The following GRIK2 variants were observed in gnomAD, a reference collection of about 807,000 sequenced individuals.
The protein encoded by GRIK2 is glutamate receptor ionotropic, kainate 2.
Under a neutral mutation model 100.3 loss-of-function variants are expected in GRIK2, and 32 were observed. That is an observed-to-expected ratio of 0.32 (90% confidence interval 0.24 to 0.43). The LOEUF (loss-of-function observed/expected upper bound fraction) is 0.43, where lower values mean the gene tolerates loss of function less well. Among genes scored for constraint, GRIK2 ranks in the 20% least tolerant of loss-of-function variants. The pLI, the probability that GRIK2 is intolerant of heterozygous loss-of-function variation, is 1.00. For synonymous variants in GRIK2, 417 were observed against 389.4 expected (o/e 1.07, Z -0.83); for missense variants, 843 against 1,114.9 (o/e 0.76, Z 3.47).
intron 14 of GRIK2, among the ~76,000 whole-genome samples, chr6:102,012,932 A>C (rs568539297): frequency 6.6e-6 from 1 of 152,186 alleles, no homozygotes; most frequent in South Asian, 2.1e-4. Context: ...TTTTGGTTCC[A>C]TGTGAATTTT....
At chr6:102,017,779 G>A (rs1769196077) in intron 14 of GRIK2, among the ~76,000 whole-genome samples, 1 of 152,016 alleles carries the variant, frequency 6.6e-6, no homozygotes, top group Non-Finnish European at 1.5e-5. Flanking sequence ...GTATTCTCAA[G>A]TTCAGAGATT....
chr6:102,006,390 A>ATATTTTTTTTTTTTT (rs1315524835), intron 14 of GRIK2, among the ~76,000 whole-genome samples: 2 of 114,102 alleles, frequency 1.8e-5, no homozygotes, highest in African/African-American at 9.1e-5. Context: ...ATATATATAT[A>ATATTTTTTTTTTTTT]TTTTTTTTTT....
intron 14 of GRIK2, among the ~76,000 whole-genome samples, chr6:102,026,006 T>C (rs776989132): frequency 6.6e-6 from 1 of 150,404 alleles, no homozygotes; most frequent in African/African-American, 2.4e-5. Flanking sequence ...TTTTCTATTC[T>C]TGCTTACTAG....
chr6:101,883,289 A>AAATAAT (rs143808702), intron 11 of GRIK2, among the ~76,000 whole-genome samples: 22,297 of 144,192 alleles, frequency 0.15, 1,920 homozygotes, highest in South Asian at 0.23. Flanking sequence ...TCTCTTTGGC[A>AAATAAT]AATAATAATA....
chr6:101,585,858 G>C (rs2128304696), intron 2 of GRIK2, among the ~76,000 whole-genome samples: 1 of 152,210 alleles, frequency 6.6e-6, no homozygotes, highest in African/African-American at 2.4e-5. Context: ...AGTATCATTA[G>C]AGGTAAGAGC....
At chr6:101,506,230 T>C (rs982858234) in intron 2 of GRIK2, among the ~76,000 whole-genome samples, 4 of 152,132 alleles carry the variant, frequency 2.6e-5, no homozygotes, top group Non-Finnish European at 2.9e-5. Context: ...ACACTGTTCA[T>C]GTGTTTTAGG....
intron 4 of GRIK2, among the ~76,000 whole-genome samples, chr6:101,675,137 A>T (rs757692822): frequency 1.3e-5 from 2 of 151,950 alleles, no homozygotes; most frequent in Non-Finnish European, 2.9e-5. Flanking sequence ...TCTAATTGTA[A>T]CTTTGTACCC....
chr6:101,872,420 G>C (rs1268700075), intron 11 of GRIK2, among the ~76,000 whole-genome samples: 1 of 151,744 alleles, frequency 6.6e-6, no homozygotes, highest in African/African-American at 2.4e-5. Context: ...GAGTAAAGCA[G>C]GGAAAAGTCC....
At chr6:102,039,000 G>A (rs867849920) in intron 15 of GRIK2, among the ~76,000 whole-genome samples, 14 of 151,370 alleles carry the variant, frequency 9.2e-5, no homozygotes, top group African/African-American at 3.4e-4. Context: ...GTCTTTTTGA[G>A]TGGGAAATCA....
intron 7 of GRIK2, among the ~76,000 whole-genome samples, chr6:101,783,380 G>A (rs1046752536): frequency 5.3e-5 from 8 of 152,066 alleles, no homozygotes; most frequent in Non-Finnish European, 1.0e-4. Context: ...CTTCTGCCAT[G>A]ATTGTAAGTT....
intron 7 of GRIK2, among the ~76,000 whole-genome samples, chr6:101,789,757 A>G (rs995980153): frequency 1.3e-5 from 2 of 152,060 alleles, no homozygotes; most frequent in African/African-American, 4.8e-5. Flanking sequence ...TCATTGGTAG[A>G]TTGATGGGAA....
At chr6:101,701,637 C>T (rs1413300183) in intron 7 of GRIK2, among the ~76,000 whole-genome samples, 3 of 152,082 alleles carry the variant, frequency 2.0e-5, no homozygotes, top group South Asian at 4.1e-4. Flanking sequence ...ATTTAACTGA[C>T]AAAAATTATG....
intron 2 of GRIK2, among the ~76,000 whole-genome samples, chr6:101,558,748 C>T (rs905276220): frequency 1.3e-5 from 2 of 148,542 alleles, no homozygotes; most frequent in Non-Finnish European, 3.0e-5. Context: ...TGAAGTCATT[C>T]TATGTTCTGT....
At position 102,069,985 on chromosome 6, in the gene GRIK2, G is replaced by C. The variant is rs1463078762; in HGVS notation, c.*1474G>C. On this transcript the variant is annotated 3_prime_UTR_variant, in exon 17 of 17. Coordinates refer to ENST00000369134, the MANE Select transcript of GRIK2 (RefSeq NM_021956.5). ...AAATGGTAAAAGACACAGACCTCTT[G>C]ACAACATTGTGATAACAGTTGAGTG... 2 of 151,896 alleles carry C rather than the reference G, an allele frequency of 1.3e-5. No homozygotes were observed. Among genetic ancestry groups the C allele is most frequent in the African/African-American group, 4.8e-5 (2 of 41,376 alleles). The allele number at this position is 151,896 out of a possible 1,614,324, so 9.4% of individuals were successfully genotyped here. A position where few individuals can be genotyped will look rare whatever the true frequency, so the allele number is the denominator to read the frequency against.
chr6:101,783,051 G>C (rs1478293200), intron 7 of GRIK2, among the ~76,000 whole-genome samples: 1 of 151,694 alleles, frequency 6.6e-6, no homozygotes, highest in African/African-American at 2.4e-5. Flanking sequence ...GTAGAGATGG[G>C]GTTTCACTGT....
At chr6:101,739,122 T>C (rs1210626990) in intron 7 of GRIK2, among the ~76,000 whole-genome samples, 1 of 152,208 alleles carries the variant, frequency 6.6e-6, no homozygotes, top group Non-Finnish European at 1.5e-5. Flanking sequence ...TCTTGACTAT[T>C]TACAAAATGT....
At chr6:101,659,392 C>T (rs982280442) in intron 4 of GRIK2, among the ~76,000 whole-genome samples, 19 of 152,228 alleles carry the variant, frequency 1.2e-4, no homozygotes, top group Middle Eastern at 3.4e-3. Context: ...GTACCAGTAC[C>T]GTGCTCTTTT....
chr6:101,640,944 T>C (rs1410213505), intron 4 of GRIK2, among the ~76,000 whole-genome samples: 1 of 152,184 alleles, frequency 6.6e-6, no homozygotes, highest in Non-Finnish European at 1.5e-5. Flanking sequence ...TAAACAAGCA[T>C]AATTTTTTAG....
chr6:101,709,253 C>T (rs764589056), intron 7 of GRIK2, among the ~76,000 whole-genome samples: 12 of 151,592 alleles, frequency 7.9e-5, no homozygotes, highest in East Asian at 2.0e-4. Flanking sequence ...ACAGATAGAC[C>T]GTGGCCCTGC....
Sources: allele counts gnomAD v4.1 joint callset (sites outside exome capture counted in the v4.1 genomes callset), GRCh38; gene constraint gnomAD v4.1.1; transcripts MANE v1.5; gene names NCBI Gene and HGNC (gene_info 2026-07-23, HGNC 2026-07-21).